Variants in ULK4 observed in about 807,000 individuals in gnomAD.
ULK4 encodes the protein unc-51 like kinase 4, also known as inactive serine/threonine-protein kinase ULK4.
In ULK4, 133 loss-of-function variants were observed where a neutral mutation model predicts 160.6. The observed-to-expected ratio is 0.83, with a 90% CI of 0.72 to 0.96. ULK4 has a LOEUF of 0.96. Ranked by LOEUF, ULK4 falls within the 40% of genes least tolerant of loss-of-function variation. The pLI is 0.00. For synonymous variants in ULK4, 534 were observed against 539.8 expected, an observed-to-expected ratio of 0.99 and a Z score of 0.15; for missense variants, 1,580 against 1,499.5, an observed-to-expected ratio of 1.05 and a Z score of -0.89.
chr3:41,495,051 G>A (rs1180873675), intron 32 of ULK4, among the ~76,000 whole-genome samples: 3 of 152,004 alleles, frequency 2.0e-5, no homozygotes, highest in Non-Finnish European at 2.9e-5. Context: ...AGCTACCAAC[G>A]ACTTTCTTCA....
chr3:41,489,274 G>T (rs2084660297), intron 32 of ULK4, among the ~76,000 whole-genome samples: 1 of 152,130 alleles, frequency 6.6e-6, no homozygotes, highest in Admixed American at 6.5e-5. Flanking sequence ...AAACACTTCA[G>T]CATTAGATCA....
At chr3:41,592,587 T>C (rs1296108205) in intron 31 of ULK4, among the ~76,000 whole-genome samples, 1 of 152,110 alleles carries the variant, frequency 6.6e-6, no homozygotes. Flanking sequence ...TAAATAACAA[T>C]AAAAATAAAA....
intron 21 of ULK4, among the ~76,000 whole-genome samples, chr3:41,764,104 C>CATA (rs1354109631): frequency 1.3e-5 from 2 of 151,996 alleles, no homozygotes; most frequent in South Asian, 2.1e-4. Context: ...AGAAGCAAAA[C>CATA]ATAAGACTTT....
chr3:41,735,687 T>TTTTTTATTATTATTA (rs1553641851), intron 22 of ULK4, among the ~76,000 whole-genome samples: 2 of 144,494 alleles, frequency 1.4e-5, no homozygotes, highest in Non-Finnish European at 3.0e-5. Context: ...CTAAGTCCAT[T>TTTTTTATTATTATTA]TTATTATTAT....
chr3:41,479,455 G>A (rs1460608064), intron 32 of ULK4, among the ~76,000 whole-genome samples: 1 of 152,178 alleles, frequency 6.6e-6, no homozygotes, highest in African/African-American at 2.4e-5. Context: ...GCTGTTGGTC[G>A]GAGAAGATGA....
At chr3:41,545,229 T>C (rs1165303818) in intron 32 of ULK4, among the ~76,000 whole-genome samples, 2 of 152,206 alleles carry the variant, frequency 1.3e-5, no homozygotes, top group African/African-American at 4.8e-5. Flanking sequence ...CGTTCTCTCT[T>C]GTGCACTTCA....
At chr3:41,482,674 C>G (rs2084370102) in intron 32 of ULK4, among the ~76,000 whole-genome samples, 1 of 152,178 alleles carries the variant, frequency 6.6e-6, no homozygotes, top group Admixed American at 6.5e-5. Context: ...ATTCAAGTTA[C>G]TTTCTTGACT....
chr3:41,472,879 T>A (rs970133726), intron 32 of ULK4, among the ~76,000 whole-genome samples: 1 of 152,174 alleles, frequency 6.6e-6, no homozygotes, highest in Non-Finnish European at 1.5e-5. Flanking sequence ...CTCAATAAAA[T>A]GCTAATAAAC....
intron 35 of ULK4, among the ~76,000 whole-genome samples, chr3:41,342,410 T>TAG (rs2080706583): frequency 6.6e-6 from 1 of 152,192 alleles, no homozygotes; most frequent in African/African-American, 2.4e-5. Context: ...AAAGCTGATT[T>TAG]AGAGGCCTTT....
intron 35 of ULK4, among the ~76,000 whole-genome samples, chr3:41,283,238 G>A (rs1245652725): frequency 3.3e-5 from 5 of 152,218 alleles, no homozygotes; most frequent in Non-Finnish European, 5.9e-5. Context: ...AGACAGCGTG[G>A]TGATTCCTCA....
intron 13 of ULK4, among the ~76,000 whole-genome samples, chr3:41,899,594 G>T (rs1424208120): frequency 6.6e-6 from 1 of 152,134 alleles, no homozygotes; most frequent in Non-Finnish European, 1.5e-5. Context: ...TTAAAACATT[G>T]TAAGATTTTT....
chr3:41,573,206 TAC>T (rs147213150), intron 31 of ULK4, among the ~76,000 whole-genome samples: 2,826 of 152,282 alleles, frequency 0.019, 78 homozygotes, highest in African/African-American at 0.065. Flanking sequence ...CATTAAAATG[TAC>T]AGTTTCAGCA....
intron 35 of ULK4, among the ~76,000 whole-genome samples, chr3:41,327,103 A>G (rs568390200): frequency 6.6e-6 from 1 of 152,098 alleles, no homozygotes; most frequent in Non-Finnish European, 1.5e-5. Flanking sequence ...CTTTGGGGCT[A>G]TTTATTTTAT....
rs377520135 is a variant in ULK4 at position 41,715,459 on chromosome 3, G to A, written c.2565C>T (p.Leu855=). Residue 855 remains leucine, a synonymous_variant, in exon 24 of 37, where the codon CTC becomes CTT. Transcript: ENST00000301831. The stretch of plus-strand genomic sequence containing the variant: ...AATACAATAGTACCTGTGAAGTTAC[G>A]AGGTGAAGCACTACAGGCATCAGGG... ...CLPLMPVVLH[L]VTSQVFRPQV... The A allele has an allele frequency of 1.5e-5, 25 of 1,613,970 alleles. No individual in the cohort carries two copies. Among genetic ancestry groups the A allele is most frequent in the Non-Finnish European group, 1.9e-5 (23 of 1,180,026 alleles).
chr3:41,433,016 T>G (rs183406101), intron 34 of ULK4, among the ~76,000 whole-genome samples: 122 of 152,222 alleles, frequency 8.0e-4, no homozygotes, highest in Middle Eastern at 6.8e-3. Context: ...TAAATTTGAT[T>G]GAACAGAACT....
At chr3:41,492,181 G>A (rs9877600) in intron 32 of ULK4, among the ~76,000 whole-genome samples, 60,264 of 148,648 alleles carry the variant, frequency 0.41, 12,567 homozygotes, top group African/African-American at 0.43. Context: ...GAATACTGCC[G>A]CAATAAACAT....
intron 33 of ULK4, among the ~76,000 whole-genome samples, chr3:41,460,073 G>C (rs1241922522): frequency 5.3e-5 from 8 of 152,178 alleles, no homozygotes; most frequent in Non-Finnish European, 1.0e-4. Context: ...ATAATTATAA[G>C]AGATGCTAAA....
At chr3:41,271,272 T>C (rs2079133665) in intron 35 of ULK4, among the ~76,000 whole-genome samples, 1 of 152,232 alleles carries the variant, frequency 6.6e-6, no homozygotes, top group African/African-American at 2.4e-5. Flanking sequence ...CGTCATATGC[T>C]ACTTTGCATA....
rs535998917 is a variant in ULK4, at chr3:41,755,287, T to A, written c.2194-799A>T. On this transcript the variant is annotated intron_variant, in intron 21 of 36. Transcript: ENST00000301831. ...TCCAAGACAGATTTAAGAAGCTCATTTTTTTTTGGCCACACTCCAGTCCTT... is the reference window on the plus strand; with the variant it reads ...TCCAAGACAGATTTAAGAAGCTCATATTTTTTTGGCCACACTCCAGTCCTT... 3.9e-5 allele frequency among the ~76,000 whole-genome samples: 6 copies of A among 151,904 alleles called. No homozygotes were observed. The East Asian group carries it at 1.2e-3, about 29-fold the overall frequency.
Sources: gnomAD v4.1 joint callset for allele counts (sites outside exome capture counted in the v4.1 genomes callset) on GRCh38, gnomAD v4.1.1 for gene constraint, MANE v1.5 for transcripts, NCBI Gene and HGNC (gene_info 2026-07-23, HGNC 2026-07-21) for gene names.